UGT1A7: variants seen among roughly 807,000 people sequenced by gnomAD.
UGT1A7 encodes UDP glucuronosyltransferase family 1 member A7.
A neutral mutation model predicts 45.6 loss-of-function variants in UGT1A7; 33 were observed. That is an observed-to-expected ratio of 0.72 (90% CI 0.55 to 0.97). UGT1A7 has a LOEUF of 0.97. Among genes scored for constraint, UGT1A7 ranks in the 50% least tolerant of loss-of-function variants. The pLI is 0.00. For missense variants in UGT1A7, 684 were observed against 666.2 expected, an observed-to-expected ratio of 1.03 and a Z score of -0.29; for synonymous variants, 274 against 250.6, an observed-to-expected ratio of 1.09 and a Z score of -0.88.
intron 4 of UGT1A7, 57 bp from the exon 5 acceptor site, chr2:233,772,205 A>T: frequency 6.2e-7 from 1 of 1,608,796 alleles, no homozygotes; most frequent in Non-Finnish European, 8.5e-7. Flanking sequence ...GAGCATAAAG[A>T]GAGGATTGTT....
chr2:233,724,396 T>C (rs2077250917), intron 1 of UGT1A7, among the ~76,000 whole-genome samples: 1 of 143,176 alleles, frequency 7.0e-6, no homozygotes, highest in African/African-American at 2.6e-5. Flanking sequence ...GCTCCTCACT[T>C]CCCAGATGGG....
rs751107175 is a variant in UGT1A7, at chr2:233,761,195, A to G, written c.856-5839A>G. On this transcript the variant is annotated intron_variant, in intron 1 of 4. Coordinates refer to ENST00000373426, the MANE Select transcript of UGT1A7 (RefSeq NM_019077.3). ...CTTTTACATGCGTATATTCTTTCAG[A>G]TGTATTACTTTGGATCGATTAACTA... The G allele has an allele frequency of 4.3e-6, 7 of 1,613,994 alleles. No individual in the cohort carries two copies. The African/African-American group carries it at 8.0e-5, about 18-fold the overall frequency.
chr2:233,718,986 C>T, intron 1 of UGT1A7: 1 of 1,614,204 alleles, frequency 6.2e-7, no homozygotes, highest in East Asian at 2.2e-5. Context: ...TGCCAGAGGC[C>T]ACCAGGCGGT....
chr2:233,717,190 G>A (rs932422253), intron 1 of UGT1A7, among the ~76,000 whole-genome samples: 1 of 152,160 alleles, frequency 6.6e-6, no homozygotes, highest in African/African-American at 2.4e-5. Flanking sequence ...ACCCTCCCAG[G>A]CATGTTCCAC....
At chr2:233,767,718 A>G in intron 2 of UGT1A7, 131 bp from the exon 3 acceptor site, 1 of 1,541,762 alleles carries the variant, frequency 6.5e-7, no homozygotes, top group Non-Finnish European at 8.7e-7. Context: ...AAGCCTTCAC[A>G]GTTACTGATC....
intron 1 of UGT1A7, chr2:233,743,575 G>A (rs1692358065): frequency 7.3e-7 from 1 of 1,367,206 alleles, no homozygotes; most frequent in East Asian, 4.5e-5. Flanking sequence ...GGTTTCCCAA[G>A]AGGTCAAAGG....
chr2:233,754,215 T>A (rs1387155236), intron 1 of UGT1A7: 1 of 166,766 alleles, frequency 6.0e-6, no homozygotes, highest in Non-Finnish European at 1.3e-5. Flanking sequence ...GTCAAATGAT[T>A]TAGAGCAAAC....
intron 1 of UGT1A7, among the ~76,000 whole-genome samples, chr2:233,694,915 T>C (rs1391653118): frequency 6.6e-6 from 1 of 152,254 alleles, no homozygotes; most frequent in Non-Finnish European, 1.5e-5. Flanking sequence ...ACGTATACAA[T>C]GTGCGATGAT....
In UGT1A7 at chr2:233,739,739, C is replaced by T. The variant is rs186719753; in HGVS notation, c.856-27295C>T. 9.1e-3 allele frequency among the ~76,000 whole-genome samples: 1,388 copies of T among 152,094 alleles called. 31 individuals carry two copies. Among genetic ancestry groups the T allele is most frequent in the African/African-American group, 0.032 (1,304 of 41,394 alleles). ...GGACTTGACTTGTCTCAGATGAGAC[C>T]TTGGACTATGGACTTTTGAGCTAGT... On this transcript the variant is annotated intron_variant, in intron 1 of 4. Coordinates refer to ENST00000373426, the MANE Select transcript of UGT1A7 (RefSeq NM_019077.3).
At chr2:233,743,407 C>T in intron 1 of UGT1A7, 1 of 1,313,416 alleles carries the variant, frequency 7.6e-7, no homozygotes, top group Non-Finnish European at 1.0e-6. Flanking sequence ...AGAAAGGCCC[C>T]CACTTCCCAG....
At position 233,772,370 on chromosome 2, in the gene UGT1A7, G is replaced by A. The variant is rs587784537; in HGVS notation, c.1404G>A (p.Ala468=). The A allele has an allele frequency of 2.5e-6, 4 of 1,614,248 alleles. No homozygotes were observed. The highest frequency in any genetic ancestry group is 1.6e-4 in the Middle Eastern group (1 of 6,062). ...WVEFVMRHKG[A]PHLRPAAHDL... The stretch of plus-strand genomic sequence containing the variant: ...AGTTTGTGATGAGGCACAAGGGCGC[G>A]CCACACCTGCGCCCCGCAGCCCACG... Residue 468 remains alanine, a synonymous_variant, in exon 5 of 5, where the codon GCG becomes GCA. Transcript: ENST00000373426.
At chr2:233,688,870 G>T (rs1454445283) in intron 1 of UGT1A7, among the ~76,000 whole-genome samples, 1 of 152,140 alleles carries the variant, frequency 6.6e-6, no homozygotes, top group East Asian at 1.9e-4. Flanking sequence ...GGCCTTGCAG[G>T]ATAAGGAGTG....
intron 1 of UGT1A7, chr2:233,689,812 CA>C (rs1339499573): frequency 6.8e-6 from 3 of 440,050 alleles, no homozygotes; most frequent in Non-Finnish European, 1.4e-5. Context: ...TATAGGAAAC[CA>C]AACATCTCTG....
chr2:233,726,329 A>T (rs1355018721), intron 1 of UGT1A7, among the ~76,000 whole-genome samples: 1 of 152,172 alleles, frequency 6.6e-6, no homozygotes, highest in Non-Finnish European at 1.5e-5. Flanking sequence ...GAGTTTCAGC[A>T]CCTGTGGTTT....
At chr2:233,691,618 C>T in intron 1 of UGT1A7, 3 of 985,676 alleles carry the variant, frequency 3.0e-6, no homozygotes, top group Non-Finnish European at 3.6e-6. Context: ...GGACCGCCCT[C>T]AGCAGTGTGG....
chr2:233,684,425 C>G (rs2074679890), intron 1 of UGT1A7, among the ~76,000 whole-genome samples: 1 of 152,212 alleles, frequency 6.6e-6, no homozygotes, highest in African/African-American at 2.4e-5. Flanking sequence ...GCCTCACCCT[C>G]TAGCCAAGTG....
chr2:233,682,141 A>G lies in UGT1A7; in HGVS notation c.204A>G (p.Arg68=), dbSNP rs766652612. The G allele has an allele frequency of 1.9e-6, 3 of 1,614,192 alleles. No individual in the cohort carries two copies. The highest frequency in any genetic ancestry group is 1.7e-5 in the Admixed American group (1 of 60,026). ...VMPEVSWQLG[R]SLNCTVKTYS... Reference sequence around the variant, plus strand: ...CAGAGGTGAGTTGGCAACTGGGAAGATCACTGAATTGCACAGTGAAGACTT... The same window carrying G: ...CAGAGGTGAGTTGGCAACTGGGAAGGTCACTGAATTGCACAGTGAAGACTT... Residue 68 remains arginine, a synonymous_variant, in exon 1 of 5, where the codon AGA becomes AGG. Transcript: ENST00000373426.
At chr2:233,726,988 C>G (rs926323067) in intron 1 of UGT1A7, among the ~76,000 whole-genome samples, 1 of 152,120 alleles carries the variant, frequency 6.6e-6, no homozygotes, top group African/African-American at 2.4e-5. Context: ...TGATGAGGTT[C>G]TTTCTAGCAA....
chr2:233,765,251 A>C (rs1476483631), intron 1 of UGT1A7, among the ~76,000 whole-genome samples: 1 of 152,222 alleles, frequency 6.6e-6, no homozygotes, highest in African/African-American at 2.4e-5. Flanking sequence ...TAATCCCATT[A>C]CTGGGTATAT....
Sources: allele counts gnomAD v4.1 joint callset (sites outside exome capture counted in the v4.1 genomes callset), GRCh38; gene constraint gnomAD v4.1.1; transcripts MANE v1.5; gene names NCBI Gene and HGNC (gene_info 2026-07-23, HGNC 2026-07-21).